The following MAP2 variants were observed in gnomAD, a reference collection of about 807,000 sequenced individuals.
MAP2 encodes microtubule associated protein 2.
In MAP2, 14 loss-of-function variants were observed where a neutral mutation model predicts 137.6. The ratio of observed to expected loss-of-function variants is 0.10; its 90% CI spans 0.07 to 0.16. The LOEUF is 0.16. Among genes scored for constraint, MAP2 ranks in the 10% least tolerant of loss-of-function variants. The probability of loss-of-function intolerance (pLI) is 1.00; values close to 1 mark genes in which losing one functional copy is unlikely to be tolerated. For missense variants in MAP2, 2,088 were observed against 2,191.5 expected, an observed-to-expected ratio of 0.95 and a Z score of 0.94; for synonymous variants, 786 against 782.3, an observed-to-expected ratio of 1.00 and a Z score of -0.08.
chr2:209,573,350 G>C (rs2153378827), intron 2 of MAP2, among the ~76,000 whole-genome samples: 1 of 137,396 alleles, frequency 7.3e-6, no homozygotes, highest in South Asian at 2.3e-4. Flanking sequence ...CTGGAGTGCA[G>C]TGGCACGATC....
chr2:209,664,488 T>C (rs1391935618), intron 5 of MAP2, among the ~76,000 whole-genome samples: 1 of 152,082 alleles, frequency 6.6e-6, no homozygotes, highest in Non-Finnish European at 1.5e-5. Context: ...AGGTGGAGGT[T>C]ACAGTGAGTC....
chr2:209,565,474 T>C (rs548803302), intron 2 of MAP2, among the ~76,000 whole-genome samples: 1 of 152,096 alleles, frequency 6.6e-6, no homozygotes, highest in Admixed American at 6.6e-5. Context: ...CCCACTTCGG[T>C]CTCCCAAAGT....
In MAP2 at chr2:209,693,960, A is replaced by G; in HGVS notation, c.1790A>G (p.Asp597Gly). Residue 597 changes from aspartate to glycine, a missense_variant, in exon 8 of 16, where the codon GAC (aspartate) becomes GGC (glycine). Asp to Gly is a moderately conservative substitution (Grantham distance 94). This residue lies in a region of MAP2 where 859 missense variants were observed against 794.5 expected (regional missense o/e 1.08). Coordinates refer to ENST00000682079, the MANE Select transcript of MAP2 (RefSeq NM_001375505.1). ...GGCAGTGATTACTATGAACTGAGTG[A>G]CACTAGAGAAAGTGTCCATGAGTCT... ...EPGSDYYELS[D>G]TRESVHESID... 6.2e-7 allele frequency: 1 copy of G among 1,613,976 alleles called. No individual in the cohort carries two copies. Among genetic ancestry groups the G allele is most frequent in the Non-Finnish European group, 8.5e-7 (1 of 1,179,956 alleles).
chr2:209,715,316 C>T (rs934555322), intron 13 of MAP2, among the ~76,000 whole-genome samples: 3 of 151,976 alleles, frequency 2.0e-5, no homozygotes, highest in African/African-American at 7.2e-5. Flanking sequence ...GGAGTTGTCT[C>T]CTATTACTTT....
intron 1 of MAP2, among the ~76,000 whole-genome samples, chr2:209,490,976 C>G (rs150534304): frequency 0.023 from 3,452 of 152,208 alleles, 121 homozygotes; most frequent in African/African-American, 0.078. Context: ...GAACTCTCCA[C>G]CCCAAATCAA....
At chr2:209,537,576 T>C (rs539528497) in intron 2 of MAP2, among the ~76,000 whole-genome samples, 32 of 152,362 alleles carry the variant, frequency 2.1e-4, no homozygotes, top group African/African-American at 7.2e-4. Context: ...ACACTCTTTC[T>C]GTACATACAC....
At chr2:209,583,371 G>T (rs2076974789) in intron 3 of MAP2, among the ~76,000 whole-genome samples, 1 of 152,050 alleles carries the variant, frequency 6.6e-6, no homozygotes, top group South Asian at 2.1e-4. Flanking sequence ...CATTTTCCAT[G>T]TAATTATAGT....
intron 3 of MAP2, among the ~76,000 whole-genome samples, chr2:209,624,228 G>T (rs1365810489): frequency 6.6e-6 from 1 of 152,022 alleles, no homozygotes; most frequent in Non-Finnish European, 1.5e-5. Flanking sequence ...GATATGACGG[G>T]GTCCACTCTA....
intron 5 of MAP2, among the ~76,000 whole-genome samples, chr2:209,668,985 A>T (rs548096571): frequency 9.2e-5 from 14 of 152,106 alleles, no homozygotes; most frequent in Non-Finnish European, 1.6e-4. Context: ...AAAATTACAA[A>T]GAACTACCAT....
At position 209,682,423 on chromosome 2, in the gene MAP2, G is replaced by A. The variant is rs537804538; in HGVS notation, c.454+1596G>A. ...GGAGAATCACTTGAACCCAGAAGGC[G>A]GAGGTTGCAGCGAGCCAAGATGGCA... is the stretch of plus-strand genomic sequence containing the variant. On this transcript the variant is annotated intron_variant, in intron 7 of 15. Coordinates refer to ENST00000682079, the MANE Select transcript of MAP2 (RefSeq NM_001375505.1). Among the ~76,000 whole-genome samples, 4 of 152,236 alleles carry A rather than the reference G, an allele frequency of 2.6e-5. No individual in the cohort carries two copies. In the South Asian group the frequency reaches 6.2e-4, roughly 24 times the overall value.
At chr2:209,590,118 A>G (rs543404861) in intron 3 of MAP2, among the ~76,000 whole-genome samples, 1 of 152,158 alleles carries the variant, frequency 6.6e-6, no homozygotes, top group East Asian at 1.9e-4. Flanking sequence ...TCTCCTTTCC[A>G]CCACCCCATC....
At chr2:209,560,481 C>CTT (rs61613421) in intron 2 of MAP2, among the ~76,000 whole-genome samples, 3 of 137,368 alleles carry the variant, frequency 2.2e-5, no homozygotes, top group Non-Finnish European at 3.2e-5. Flanking sequence ...CTTTGAGATT[C>CTT]TTTTTTTTTT....
rs77908010 is a variant in MAP2, at chr2:209,708,199, T to C, written c.4733-1715T>C. ...ACATCTACGTTACAAACTTAGTCCA[T>C]AACAAACCAGGACATGGAAGTTACA... On this transcript the variant is annotated intron_variant, in intron 12 of 15. Coordinates refer to ENST00000682079, the MANE Select transcript of MAP2 (RefSeq NM_001375505.1). Among the ~76,000 whole-genome samples the C allele has an allele frequency of 2.9e-3, 442 of 152,298 alleles. 3 individuals carry two copies. The highest frequency in any genetic ancestry group is 0.01 in the African/African-American group (433 of 41,578).
At chr2:209,499,523 G>A (rs563434942) in intron 1 of MAP2, among the ~76,000 whole-genome samples, 1 of 152,142 alleles carries the variant, frequency 6.6e-6, no homozygotes, top group South Asian at 2.1e-4. Context: ...TATCTTTATA[G>A]CAACACCCCA....
At chr2:209,465,470 G>A (rs1703904172) in intron 1 of MAP2, among the ~76,000 whole-genome samples, 1 of 151,918 alleles carries the variant, frequency 6.6e-6, no homozygotes, top group African/African-American at 2.4e-5. Flanking sequence ...CACAAAATAT[G>A]GTATTGCATG....
At chr2:209,621,257 A>ATT (rs1186032597) in intron 3 of MAP2, among the ~76,000 whole-genome samples, 35 of 125,120 alleles carry the variant, frequency 2.8e-4, no homozygotes, top group East Asian at 9.5e-4. Context: ...AGGCATCTTG[A>ATT]TTTTTTTTTT....
At chr2:209,690,936 G>C in intron 7 of MAP2, 1 of 1,147,522 alleles carries the variant, frequency 8.7e-7, no homozygotes, top group Non-Finnish European at 1.1e-6. Flanking sequence ...ACGCTATTTC[G>C]CTATTTCATC....
intron 1 of MAP2, among the ~76,000 whole-genome samples, chr2:209,436,027 T>A (rs961752283): frequency 3.1e-4 from 41 of 131,632 alleles, no homozygotes; most frequent in Non-Finnish European, 5.5e-4. Context: ...ATATATAAAA[T>A]ATATATATAT....
In MAP2 at chr2:209,694,193, A is replaced by G. The variant is rs756623045; in HGVS notation, c.2023A>G (p.Ser675Gly). ...GTATGGAGAGAAAAGGGACCTCCAC[A>G]GTAAGAATAAGGATGATTTGACCCT... is the stretch of plus-strand genomic sequence containing the variant. ...KVYGEKRDLH[S>G]KNKDDLTLSR... Residue 675 changes from serine (S) to glycine (G), a missense_variant, in exon 8 of 16, where the codon AGT (serine) becomes GGT (glycine). This residue lies in a region of MAP2 where 859 missense variants were observed against 794.5 expected (regional missense o/e 1.08). Coordinates refer to ENST00000682079, the MANE Select transcript of MAP2 (RefSeq NM_001375505.1). 6.2e-7 allele frequency: 1 copy of G among 1,614,038 alleles called. No homozygotes were observed. Among genetic ancestry groups the G allele is most frequent in the African/African-American group, 1.3e-5 (1 of 74,934 alleles).
Sources: gnomAD v4.1 joint callset for allele counts (sites outside exome capture counted in the v4.1 genomes callset) on GRCh38, gnomAD v4.1.1 for gene constraint, gnomAD v4.1.1 regional missense constraint, MANE v1.5 for transcripts, NCBI Gene and HGNC (gene_info 2026-07-23, HGNC 2026-07-21) for gene names.